The following CNOT6 variants were observed in gnomAD, a reference collection of about 807,000 sequenced individuals.
The protein encoded by CNOT6 is CCR4-NOT transcription complex subunit 6, also known as carbon catabolite repression 4 protein.
In CNOT6, 12 loss-of-function variants were observed where a neutral mutation model predicts 61.2. The ratio of observed to expected loss-of-function variants is 0.20; its 90% CI spans 0.13 to 0.32. The LOEUF is 0.32. CNOT6 is among the 10% of genes least tolerant of loss of function. CNOT6 has a pLI of 1.00. For synonymous variants in CNOT6, 225 were observed against 240.6 expected, an observed-to-expected ratio of 0.94 and a Z score of 0.60; for missense variants, 405 against 663.9, an observed-to-expected ratio of 0.61 and a Z score of 4.28.
intron 7 of CNOT6, 62 bp from the exon 8 acceptor site, chr5:180,567,026 G>A: frequency 7.0e-7 from 1 of 1,426,668 alleles, no homozygotes; most frequent in Non-Finnish European, 9.6e-7. Flanking sequence ...ACTATACATA[G>A]AAGTTAATAT....
intron 3 of CNOT6, among the ~76,000 whole-genome samples, chr5:180,552,599 T>TCA (rs1759674549): frequency 3.3e-5 from 5 of 150,152 alleles, no homozygotes; most frequent in Non-Finnish European, 7.4e-5. Context: ...TGAGCCGAGA[T>TCA]CGCATCACTG....
At position 180,567,140 on chromosome 5, in the gene CNOT6, G is replaced by A. The variant is rs576708817; in HGVS notation, c.770G>A (p.Arg257His). The change falls in exon 8 of 12, where the codon CGT becomes CAT. Residue 257 changes from arginine (R) to histidine (H), a missense_variant. Arg to His is a conservative substitution (Grantham distance 29). Around this residue, in one of 5 missense-constraint regions of CNOT6, gnomAD observed 212 missense variants for 307.1 expected, o/e 0.69. Transcript: ENST00000261951. ...TTTTTTCTGGTAGAGCTGAAAGAAC[G>A]TGGCTATAATGGATTCTTCAGTCCT... The part of the protein sequence containing the change: ...YSFFLVELKE[R>H]GYNGFFSPKS... 87 of 1,613,648 alleles carry A rather than the reference G, an allele frequency of 5.4e-5. 1 individual carries two copies. The South Asian group carries it at 6.0e-4, about 11-fold the overall frequency.
At chr5:180,538,715 T>C (rs902712824) in intron 2 of CNOT6, among the ~76,000 whole-genome samples, 10 of 138,392 alleles carry the variant, frequency 7.2e-5, no homozygotes, top group East Asian at 4.3e-4. Context: ...TATATATATA[T>C]ACAAAAAAAT....
intron 1 of CNOT6, among the ~76,000 whole-genome samples, chr5:180,504,916 C>T (rs1054077457): frequency 1.3e-5 from 2 of 150,372 alleles, no homozygotes; most frequent in Non-Finnish European, 3.0e-5. Context: ...TAATTGATAG[C>T]TATAACCCAC....
intron 1 of CNOT6, among the ~76,000 whole-genome samples, chr5:180,526,714 G>A (rs1205316729): frequency 1.3e-5 from 2 of 152,148 alleles, no homozygotes; most frequent in Non-Finnish European, 2.9e-5. Flanking sequence ...TACAGAGTAG[G>A]TAGACAATTG....
At chr5:180,535,104 G>T (rs1758611333) in intron 2 of CNOT6, among the ~76,000 whole-genome samples, 1 of 152,254 alleles carries the variant, frequency 6.6e-6, no homozygotes, top group Non-Finnish European at 1.5e-5. Flanking sequence ...GGAGTCCCTG[G>T]CGACGCAGAA....
Position 180,569,174 on chromosome 5 carries a change from G to C in CNOT6, c.1092G>C (p.Trp364Cys). ...TTGTGGCTAACGCCCACATGCATTG[G>C]GACCCTGAATACTCTGATGTGAAGT... ...LILVANAHMH[W>C]DPEYSDVKLV... is the part of the protein sequence containing the mutation. The change falls in exon 10 of 12, where the codon TGG becomes TGC. Residue 364 changes from tryptophan (W) to cysteine (C), a missense_variant. Around this residue, in one of 5 missense-constraint regions of CNOT6, gnomAD observed 116 missense variants for 184.6 expected, o/e 0.63. Coordinates refer to ENST00000261951, the MANE Select transcript of CNOT6 (RefSeq NM_001370472.1). 1 of 1,614,164 alleles carries C rather than the reference G, an allele frequency of 6.2e-7. No homozygotes were observed. The highest frequency in any genetic ancestry group is 8.5e-7 in the Non-Finnish European group (1 of 1,180,032).
intron 1 of CNOT6, among the ~76,000 whole-genome samples, chr5:180,501,638 T>C (rs575665806): frequency 3.9e-5 from 6 of 152,342 alleles, no homozygotes; most frequent in South Asian, 4.1e-4. Context: ...TTAAGAATTA[T>C]GGACTCTGCT....
Position 180,529,460 on chromosome 5 carries a change from A to G in CNOT6, c.112+72A>G, listed in dbSNP as rs941907496. ...TAGTAAACTGAGTTTTCTAATGCCAATACAGGAAAGAAACATTGATTTTAT... is the reference window on the plus strand; with the variant it reads ...TAGTAAACTGAGTTTTCTAATGCCAGTACAGGAAAGAAACATTGATTTTAT... On this transcript the variant is annotated intron_variant, in intron 2 of 11. Transcript: ENST00000261951. 6.3e-6 allele frequency: 5 copies of G among 797,752 alleles called. 1 individual carries two copies. In the Admixed American group the frequency reaches 9.9e-5, roughly 16 times the overall value. 49.4% of individuals were successfully genotyped at this position (797,752 alleles called of 1,614,324 possible). A position where few individuals can be genotyped will look rare whatever the true frequency, so the allele number is the denominator to read the frequency against.
At chr5:180,573,836 GGT>G in intron 11 of CNOT6, 150 bp from the exon 12 acceptor site, 1 of 604,630 alleles carries the variant, frequency 1.7e-6, no homozygotes, top group South Asian at 2.1e-5. Context: ...GGGACCATTT[GGT>G]GTATGTAGTA....
At chr5:180,519,808 A>G (rs1258892459) in intron 1 of CNOT6, among the ~76,000 whole-genome samples, 4 of 144,786 alleles carry the variant, frequency 2.8e-5, no homozygotes, top group African/African-American at 1.0e-4. Context: ...TGGTGTCAAT[A>G]TGTTAAAATT....
rs530201280 is a variant in CNOT6 at position 180,522,804 on chromosome 5, G to C, written c.-2-6471G>C. ...GGCTGAGGTGGGAGAGGGCATGGAA[G>C]CTCTGCACCCCTGCGCTGTTCCTCA... is the stretch of plus-strand genomic sequence containing the variant. On this transcript the variant is annotated intron_variant, in intron 1 of 11. Transcript: ENST00000261951. 6.6e-5 allele frequency among the ~76,000 whole-genome samples: 10 copies of C among 152,248 alleles called. No homozygotes were observed. The East Asian group carries it at 1.9e-3, about 29-fold the overall frequency.
intron 1 of CNOT6, among the ~76,000 whole-genome samples, chr5:180,528,926 G>GT (rs1220893241): frequency 4.6e-5 from 7 of 152,210 alleles, no homozygotes; most frequent in Admixed American, 2.0e-4. Context: ...TTTAAAAGAT[G>GT]TGGGTCGGGC....
chr5:180,531,144 GGGCGGAGGCGCCCC>G (rs1581507836), intron 2 of CNOT6, among the ~76,000 whole-genome samples: 2 of 136,872 alleles, frequency 1.5e-5, no homozygotes, highest in East Asian at 2.1e-4. Flanking sequence ...CCGGGCGGCT[GGGCGGAGGCGCCCC>G]CCACCTCCCT....
chr5:180,551,960 C>T (rs768396244), intron 3 of CNOT6, among the ~76,000 whole-genome samples: 1 of 148,896 alleles, frequency 6.7e-6, no homozygotes, highest in Non-Finnish European at 1.5e-5. Flanking sequence ...ACCTCTGCCT[C>T]CGGGTTCAAG....
chr5:180,567,289 G>A (rs751311954), intron 8 of CNOT6, 47 bp downstream of exon 8: 1 of 1,552,136 alleles, frequency 6.4e-7, no homozygotes, highest in South Asian at 1.2e-5. Context: ...AGTATTTGCA[G>A]GGTGGGGGCC....
chr5:180,509,672 C>T (rs1757291299), intron 1 of CNOT6, among the ~76,000 whole-genome samples: 1 of 151,462 alleles, frequency 6.6e-6, no homozygotes. Context: ...GCCTCGGCCT[C>T]CCAAGGTGCC....
intron 4 of CNOT6, among the ~76,000 whole-genome samples, chr5:180,560,592 ATTTGTT>A (rs1760114840): frequency 6.6e-6 from 1 of 151,918 alleles, no homozygotes; most frequent in Non-Finnish European, 1.5e-5. Flanking sequence ...CGTCATTCCA[ATTTGTT>A]TTTCTCCTGC....
At chr5:180,566,849 C>T (rs935960612) in intron 7 of CNOT6, among the ~76,000 whole-genome samples, 7 of 151,780 alleles carry the variant, frequency 4.6e-5, no homozygotes, top group African/African-American at 1.7e-4. Context: ...GATGGGGTTT[C>T]GCCATGTTGG....
Sources: allele counts gnomAD v4.1 joint callset (sites outside exome capture counted in the v4.1 genomes callset), GRCh38; gene constraint gnomAD v4.1.1; regional missense constraint gnomAD v4.1.1; transcripts MANE v1.5; gene names NCBI Gene and HGNC (gene_info 2026-07-23, HGNC 2026-07-21).